Variants in EFCAB5 observed in about 807,000 individuals in gnomAD.
The protein encoded by EFCAB5 is EF-hand calcium binding domain 5.
Under a neutral mutation model 167.9 loss-of-function variants are expected in EFCAB5, and 131 were observed. The ratio of observed to expected loss-of-function variants is 0.78; its 90% CI spans 0.68 to 0.90. The LOEUF is 0.90. EFCAB5 is among the 40% of genes least tolerant of loss of function. The probability of loss-of-function intolerance (pLI) is 0.00; values close to 1 mark genes in which losing one functional copy is unlikely to be tolerated. For missense variants in EFCAB5, 1,663 were observed against 1,745.2 expected, an observed-to-expected ratio of 0.95 and a Z score of 0.84; for synonymous variants, 574 against 602.8, an observed-to-expected ratio of 0.95 and a Z score of 0.70.
At position 29,969,352 on chromosome 17, in the gene EFCAB5, A is replaced by G. The variant is rs557182956; in HGVS notation, c.752A>G (p.Asp251Gly). Reference protein sequence around the residue: ...VTEDLKIYVPDTICNRVSKMK... With the variant: ...VTEDLKIYVPGTICNRVSKMK... ...GAAGACCTGAAGATATATGTTCCTG[A>G]CACTATCTGCAACAGGTACAATCTG... Residue 251 changes from aspartate to glycine, a missense_variant, in exon 4 of 23, where the codon GAC becomes GGC. By Grantham distance (94) the Asp-to-Gly change is moderately conservative (BLOSUM62 -1). Coordinates refer to ENST00000394835, the MANE Select transcript of EFCAB5 (RefSeq NM_198529.4). The G allele has an allele frequency of 6.3e-7, 1 of 1,594,080 alleles. No individual in the cohort carries two copies. The highest frequency in any genetic ancestry group is 2.2e-5 in the East Asian group (1 of 44,732).
At chr17:29,986,579 A>G in intron 4 of EFCAB5, among the ~76,000 whole-genome samples, 1 of 151,336 alleles carries the variant, frequency 6.6e-6, no homozygotes, top group East Asian at 1.9e-4. Flanking sequence ...GGCCAGGTCC[A>G]ATTCTGCTTA....
At chr17:30,072,957 T>C in intron 14 of EFCAB5, 1 of 470,290 alleles carries the variant, frequency 2.1e-6, no homozygotes, top group Non-Finnish European at 3.8e-6. Flanking sequence ...TCCAATATTA[T>C]CACTATTTGT....
intron 3 of EFCAB5, among the ~76,000 whole-genome samples, chr17:29,954,411 TAAAAGGGACCA>T (rs2067571597): frequency 6.6e-6 from 1 of 152,148 alleles, no homozygotes; most frequent in Non-Finnish European, 1.5e-5. Flanking sequence ...CAGCTGTGGC[TAAAAGGGACCA>T]ATGTACAGCT....
Position 29,969,053 on chromosome 17 carries a change from C to G in EFCAB5, c.453C>G (p.Leu151=). The change falls in exon 4 of 23, where the codon CTC becomes CTG. Residue 151 remains leucine (L), a synonymous_variant. Transcript: ENST00000394835. ...KELEKKAEKK[L]PRDNLAKEWF... is the part of the protein sequence containing the mutation. ...TAGAAAAAAAGGCTGAAAAAAAACT[C>G]CCTAGGGATAATTTGGCCAAAGAGT... 6.8e-6 allele frequency: 11 copies of G among 1,608,608 alleles called. No homozygotes were observed. The highest frequency in any genetic ancestry group is 8.5e-6 in the Non-Finnish European group (10 of 1,177,872).
intron 3 of EFCAB5, among the ~76,000 whole-genome samples, chr17:29,961,917 G>A (rs1251588769): frequency 4.6e-5 from 7 of 152,136 alleles, no homozygotes; most frequent in African/African-American, 1.4e-4. Flanking sequence ...GATGTATCAG[G>A]TAGTCTCAGT....
intron 9 of EFCAB5, among the ~76,000 whole-genome samples, chr17:30,052,739 T>C (rs569577048): frequency 7.4e-4 from 112 of 152,122 alleles, no homozygotes; most frequent in Non-Finnish European, 1.3e-3. Flanking sequence ...TCCACATAAC[T>C]GTAGAGGAAA....
intron 4 of EFCAB5, among the ~76,000 whole-genome samples, chr17:29,970,669 T>TACACACACAC (rs1220247152): frequency 1.3e-3 from 79 of 58,784 alleles, no homozygotes; most frequent in African/African-American, 2.9e-3. Flanking sequence ...CACACACACA[T>TACACACACAC]ACACACACAC....
chr17:30,097,040 ATACATATACATATATATATATTTT>A (rs2071309245), intron 22 of EFCAB5, among the ~76,000 whole-genome samples: 1 of 106,454 alleles, frequency 9.4e-6, no homozygotes, highest in African/African-American at 4.3e-5. Context: ...ACATATACAT[ATACATATACATATATATATATTTT>A]TTTTTTTTTG....
intron 3 of EFCAB5, among the ~76,000 whole-genome samples, chr17:29,945,039 A>G (rs74332280): frequency 7.5e-4 from 114 of 152,294 alleles, no homozygotes; most frequent in Non-Finnish European, 1.4e-3. Context: ...CAGATTGAAA[A>G]TTTATAGGAT....
intron 16 of EFCAB5, among the ~76,000 whole-genome samples, chr17:30,080,550 GTT>G (rs5819877): frequency 8.8e-5 from 13 of 147,848 alleles, no homozygotes; most frequent in Middle Eastern, 3.5e-3. Context: ...ATCCAAGCTT[GTT>G]TTTTTTTTTT....
chr17:29,937,199 A>C (rs2067252333), upstream of EFCAB5, among the ~76,000 whole-genome samples: 1 of 151,300 alleles, frequency 6.6e-6, no homozygotes, highest in Non-Finnish European at 1.5e-5. Flanking sequence ...TTCTTTATTT[A>C]TTTATTTTTT....
chr17:30,035,633 C>T (rs145378632), intron 8 of EFCAB5, among the ~76,000 whole-genome samples: 29 of 152,120 alleles, frequency 1.9e-4, no homozygotes, highest in East Asian at 7.7e-4. Flanking sequence ...AACAGTAAAC[C>T]GTGAAAATGT....
chr17:30,061,134 A>C (rs1006592364), intron 14 of EFCAB5, among the ~76,000 whole-genome samples: 1 of 152,244 alleles, frequency 6.6e-6, no homozygotes, highest in Admixed American at 6.5e-5. Flanking sequence ...CCAGCAAATG[A>C]GAACCAGGAC....
intron 3 of EFCAB5, among the ~76,000 whole-genome samples, chr17:29,959,383 C>T (rs1169490523): frequency 1.3e-5 from 2 of 151,896 alleles, no homozygotes; most frequent in Non-Finnish European, 2.9e-5. Flanking sequence ...TTTTACTCTT[C>T]CCTCTTTTTT....
rs2068461661 is a variant in EFCAB5, at chr17:29,993,204, A to G, written c.807A>G (p.Lys269=). Reference sequence around the variant, plus strand: ...AGGAGAATGTTAAACAGAATAGAAAACAAAGAGAAAGCATAGACAAAATCA... The same window carrying G: ...AGGAGAATGTTAAACAGAATAGAAAGCAAAGAGAAAGCATAGACAAAATCA... ...KMKENVKQNR[K]QRESIDKIIV... The change falls in exon 5 of 23, where the codon AAA becomes AAG. Residue 269 remains lysine, a synonymous_variant. Coordinates refer to ENST00000394835, the MANE Select transcript of EFCAB5 (RefSeq NM_198529.4). 6.2e-7 allele frequency: 1 copy of G among 1,613,362 alleles called. No individual in the cohort carries two copies. The highest frequency in any genetic ancestry group is 8.5e-7 in the Non-Finnish European group (1 of 1,179,606).
At chr17:30,103,107 C>T (rs2071402646) in intron 22 of EFCAB5, among the ~76,000 whole-genome samples, 1 of 151,932 alleles carries the variant, frequency 6.6e-6, no homozygotes, top group African/African-American at 2.4e-5. Flanking sequence ...GTTGAGATTA[C>T]ATGCGTGAGC....
chr17:29,986,890 G>A (rs955651701), intron 4 of EFCAB5, among the ~76,000 whole-genome samples: 17 of 151,656 alleles, frequency 1.1e-4, no homozygotes, highest in East Asian at 5.8e-4. Flanking sequence ...CTCGTGATCC[G>A]CCCGCCTCGG....
chr17:29,983,801 G>A (rs537326700), intron 4 of EFCAB5, among the ~76,000 whole-genome samples: 1 of 152,272 alleles, frequency 6.6e-6, no homozygotes, highest in East Asian at 1.9e-4. Context: ...CTCATGTACA[G>A]TGGCCCAGAA....
intron 7 of EFCAB5, among the ~76,000 whole-genome samples, chr17:30,017,866 A>G (rs750010587): frequency 5.3e-5 from 8 of 152,172 alleles, no homozygotes; most frequent in Non-Finnish European, 1.2e-4. Flanking sequence ...CAATTGCCAT[A>G]GTTGATTAAT....
Sources: allele counts gnomAD v4.1 joint callset (sites outside exome capture counted in the v4.1 genomes callset), GRCh38; gene constraint gnomAD v4.1.1; transcripts MANE v1.5; gene names NCBI Gene and HGNC (gene_info 2026-07-23, HGNC 2026-07-21).